The following ADK variants were observed in gnomAD, a reference collection of about 807,000 sequenced individuals.
ADK encodes the protein adenosine kinase.
Under a neutral mutation model 44.7 loss-of-function variants are expected in ADK, and 24 were observed. The observed-to-expected ratio is 0.54, with a 90% CI of 0.39 to 0.76. ADK has a LOEUF of 0.76. ADK is among the 30% of genes least tolerant of loss of function. The pLI, the probability that ADK is intolerant of heterozygous loss-of-function variation, is 0.00. For synonymous variants in ADK, 128 were observed against 142.6 expected, an observed-to-expected ratio of 0.90 and a Z score of 0.73; for missense variants, 321 against 425.1, an observed-to-expected ratio of 0.76 and a Z score of 2.15.
chr10:74,288,670 A>G (rs1038242837), intron 3 of ADK, among the ~76,000 whole-genome samples: 1 of 152,128 alleles, frequency 6.6e-6, no homozygotes, highest in Non-Finnish European at 1.5e-5. Flanking sequence ...AGTGAACATA[A>G]ACTTTTAAAA....
At chr10:74,229,391 CTTTTTT>C in intron 3 of ADK, among the ~76,000 whole-genome samples, 1 of 97,238 alleles carries the variant, frequency 1.0e-5, no homozygotes, top group Non-Finnish European at 2.0e-5. Context: ...ATCTGGTATG[CTTTTTT>C]TTTTTTTTTT....
intron 9 of ADK, among the ~76,000 whole-genome samples, chr10:74,663,269 G>A (rs1347115169): frequency 2.3e-5 from 3 of 130,944 alleles, no homozygotes; most frequent in South Asian, 2.8e-4. Flanking sequence ...ATATATATAT[G>A]TATCTCAAAT....
chr10:74,396,439 T>C (rs1843511422), intron 5 of ADK, among the ~76,000 whole-genome samples: 1 of 151,570 alleles, frequency 6.6e-6, no homozygotes, highest in Non-Finnish European at 1.5e-5. Context: ...GAGGCTGAGG[T>C]GGAAGGATTG....
chr10:74,188,348 T>A (rs1268452357), intron 1 of ADK, among the ~76,000 whole-genome samples: 1 of 125,376 alleles, frequency 8.0e-6, no homozygotes, highest in East Asian at 2.0e-4. Flanking sequence ...TTTTAATTTT[T>A]TTTTTTTTTT....
intron 1 of ADK, among the ~76,000 whole-genome samples, chr10:74,180,240 TATTA>T (rs974184136): frequency 1.3e-5 from 2 of 148,268 alleles, no homozygotes; most frequent in Admixed American, 6.7e-5. Context: ...TTATTGTTAT[TATTA>T]ATTATTATTT....
chr10:74,708,153 GAAAA>G (rs35480343), intron 10 of ADK, among the ~76,000 whole-genome samples, 164 bp from the exon 11 acceptor site: 1 of 132,716 alleles, frequency 7.5e-6, no homozygotes, highest in Admixed American at 7.9e-5. Context: ...CCATCTCGGG[GAAAA>G]AAAAAAAAAA....
chr10:74,632,527 A>G (rs1322562495), intron 9 of ADK, among the ~76,000 whole-genome samples: 1 of 152,182 alleles, frequency 6.6e-6, no homozygotes, highest in Non-Finnish European at 1.5e-5. Flanking sequence ...AATTCTTGGC[A>G]TTCCTTGGCT....
At chr10:74,166,740 C>T (rs1370079923) in intron 1 of ADK, among the ~76,000 whole-genome samples, 1 of 151,464 alleles carries the variant, frequency 6.6e-6, no homozygotes, top group African/African-American at 2.4e-5. Flanking sequence ...GGAAAAGTCT[C>T]AGTTCCTCTT....
chr10:74,443,563 C>T (rs373453183), intron 6 of ADK, among the ~76,000 whole-genome samples: 54 of 152,242 alleles, frequency 3.5e-4, no homozygotes, highest in African/African-American at 1.2e-3. Flanking sequence ...CAATGCTACA[C>T]TCCTAATAGA....
chr10:74,666,019 ATT>A (rs1854946729), intron 9 of ADK, among the ~76,000 whole-genome samples: 1 of 152,176 alleles, frequency 6.6e-6, no homozygotes, highest in African/African-American at 2.4e-5. Flanking sequence ...TATATAGTTA[ATT>A]TAGTGGAGGT....
chr10:74,592,580 A>G (rs1020421516), intron 8 of ADK, among the ~76,000 whole-genome samples: 6 of 151,926 alleles, frequency 3.9e-5, no homozygotes, highest in Non-Finnish European at 7.4e-5. Flanking sequence ...TAAATTTTAG[A>G]TTTTTTTTAA....
chr10:74,376,731 A>G (rs952066040), intron 4 of ADK, among the ~76,000 whole-genome samples: 1 of 147,098 alleles, frequency 6.8e-6, no homozygotes, highest in Non-Finnish European at 1.5e-5. Context: ...CAAACACTAT[A>G]TTTGTACCTT....
chr10:74,487,657 T>C (rs2133378786), intron 6 of ADK, among the ~76,000 whole-genome samples: 1 of 152,124 alleles, frequency 6.6e-6, no homozygotes, highest in Admixed American at 6.6e-5. Context: ...ACATTTAATA[T>C]AGGATAAATA....
At chr10:74,276,121 A>G (rs1312975882) in intron 3 of ADK, among the ~76,000 whole-genome samples, 1 of 152,148 alleles carries the variant, frequency 6.6e-6, no homozygotes, top group Non-Finnish European at 1.5e-5. Context: ...TATTACACAT[A>G]TGTTTACCCA....
chr10:74,210,276 C>G (rs575162806), intron 2 of ADK, among the ~76,000 whole-genome samples: 1 of 138,914 alleles, frequency 7.2e-6, no homozygotes, highest in Non-Finnish European at 1.5e-5. Context: ...TGCAGTGAAC[C>G]GAGATTGCGC....
chr10:74,361,065 G>C (rs1383393387), intron 4 of ADK, among the ~76,000 whole-genome samples: 2 of 152,040 alleles, frequency 1.3e-5, no homozygotes, highest in East Asian at 3.9e-4. Context: ...GCACCACCAT[G>C]CCTGGCTAAT....
chr10:74,698,107 C>T (rs1856271047), intron 10 of ADK, among the ~76,000 whole-genome samples: 1 of 152,182 alleles, frequency 6.6e-6, no homozygotes, highest in Non-Finnish European at 1.5e-5. Context: ...AATTTATTGT[C>T]GATGAGAGAT....
intron 9 of ADK, among the ~76,000 whole-genome samples, chr10:74,665,167 A>G (rs948994885): frequency 2.0e-5 from 3 of 150,010 alleles, no homozygotes; most frequent in Non-Finnish European, 2.9e-5. Flanking sequence ...ATCTGGATAA[A>G]TGTTGCATAG....
chr10:74,621,115 T>C (rs1852978422), intron 9 of ADK, among the ~76,000 whole-genome samples: 1 of 152,216 alleles, frequency 6.6e-6, no homozygotes, highest in Admixed American at 6.5e-5. Context: ...CCTGTGCTTA[T>C]AAAAGGTTGT....
Sources: gnomAD v4.1 joint callset for allele counts (sites outside exome capture counted in the v4.1 genomes callset) on GRCh38, gnomAD v4.1.1 for gene constraint, MANE v1.5 for transcripts, NCBI Gene and HGNC (gene_info 2026-07-23, HGNC 2026-07-21) for gene names.